Variants in LMF1 observed in about 807,000 individuals in gnomAD.
The protein encoded by LMF1 is lipase maturation factor 1.
In LMF1, 68 loss-of-function variants were observed where a neutral mutation model predicts 60.6. The ratio of observed to expected loss-of-function variants is 1.12; its 90% CI spans 0.92 to 1.37. The LOEUF (loss-of-function observed/expected upper bound fraction) is 1.37, where lower values mean the gene tolerates loss of function less well. Ranked by LOEUF, LMF1 falls within the 40% of genes most tolerant of loss-of-function variation. LMF1 has a pLI of 0.00. For missense variants in LMF1, 948 were observed against 767.2 expected (o/e 1.24, Z -2.78); for synonymous variants, 418 against 324.7 (o/e 1.29, Z -3.09).
At chr16:885,011 G>A (rs1022367341) in intron 5 of LMF1, 6 of 152,270 alleles carry the variant, frequency 3.9e-5, no homozygotes, top group African/African-American at 1.4e-4. Flanking sequence ...TACACAATGA[G>A]GCTGTTCTTC....
chr16:944,600 C>T (rs918899695), intron 2 of LMF1, among the ~76,000 whole-genome samples: 1 of 152,228 alleles, frequency 6.6e-6, no homozygotes, highest in Non-Finnish European at 1.5e-5. Flanking sequence ...TGGTATTTCA[C>T]TTGCTGACGG....
chr16:861,101 A>G (rs1368491275), intron 10 of LMF1, among the ~76,000 whole-genome samples: 2 of 151,954 alleles, frequency 1.3e-5, no homozygotes, highest in African/African-American at 4.8e-5. Context: ...CTTCCAACCC[A>G]CGAACGCGGC....
At chr16:877,434 C>T (rs551937736) in intron 6 of LMF1, among the ~76,000 whole-genome samples, 1 of 152,208 alleles carries the variant, frequency 6.6e-6, no homozygotes, top group Non-Finnish European at 1.5e-5. Flanking sequence ...GTGTGAGGGA[C>T]GGTCACCTCT....
At chr16:859,209 T>TCGGGACGGGTGTGAGTGATGTCA (rs2069337953) in intron 10 of LMF1, among the ~76,000 whole-genome samples, 8 of 43,292 alleles carry the variant, frequency 1.8e-4, no homozygotes, top group Admixed American at 5.1e-4. Context: ...GAGTGGTGTC[T>TCGGGACGGGTGTGAGTGATGTCA]CGGGACGGGT....
chr16:906,668 C>G (rs577933335), intron 4 of LMF1, among the ~76,000 whole-genome samples: 19 of 152,314 alleles, frequency 1.2e-4, no homozygotes, highest in Non-Finnish European at 2.6e-4. Flanking sequence ...CGAGGGAACC[C>G]TCCACACACC....
chr16:875,575 G>A (rs2069948871), intron 6 of LMF1, among the ~76,000 whole-genome samples: 2 of 152,116 alleles, frequency 1.3e-5, no homozygotes, highest in Non-Finnish European at 2.9e-5. Flanking sequence ...CGGGAGAGGG[G>A]CAGTGGTGGA....
At chr16:871,607 T>C (rs897965206) in intron 6 of LMF1, 16 of 470,654 alleles carry the variant, frequency 3.4e-5, no homozygotes, top group African/African-American at 2.8e-4. Context: ...TCCCTTGCTT[T>C]AGTGATCCGC....
At chr16:976,861 G>T (rs1021731607) in intron 1 of LMF1, 1 of 454,010 alleles carries the variant, frequency 2.2e-6, no homozygotes, top group African/African-American at 2.0e-5. Flanking sequence ...CGAACAGCCT[G>T]GGCAGGGGTC....
rs544526757 is a variant in LMF1, at chr16:854,932, C to T, written c.1530-226G>A. The T allele has an allele frequency of 5.9e-4, 351 of 590,672 alleles. 4 individuals carry two copies. The East Asian group carries it at 7.3e-3, about 12-fold the overall frequency. The allele number at this position is 590,672 out of a possible 1,614,324, so 36.6% of individuals were successfully genotyped here. A position where few individuals can be genotyped will look rare whatever the true frequency, so the allele number is the denominator to read the frequency against. ...TGAACAGCGCAGCAAGGGGGAAGGGCGGACGGGGGGCAGCTCCGGGAGGGG... is the reference window on the plus strand; with the variant it reads ...TGAACAGCGCAGCAAGGGGGAAGGGTGGACGGGGGGCAGCTCCGGGAGGGG... On this transcript the variant is annotated intron_variant, in intron 10 of 10. Coordinates refer to ENST00000262301, the MANE Select transcript of LMF1 (RefSeq NM_022773.4).
chr16:948,382 C>CCAACGTCAGAGT (rs1198360099), intron 2 of LMF1, among the ~76,000 whole-genome samples: 5 of 134,076 alleles, frequency 3.7e-5, no homozygotes, highest in Non-Finnish European at 7.8e-5. Flanking sequence ...AGAGTCAGAG[C>CCAACGTCAGAGT]CAACGTCAGA....
At chr16:871,679 G>T in intron 6 of LMF1, 1 of 263,682 alleles carries the variant, frequency 3.8e-6, no homozygotes, top group Non-Finnish European at 7.2e-6. Context: ...CACTTTCAGA[G>T]GGCACCTGCC....
intron 3 of LMF1, chr16:933,549 C>A: frequency 6.8e-5 from 12 of 176,228 alleles, no homozygotes; most frequent in South Asian, 2.7e-4. Context: ...AGCCTGAGTG[C>A]GAGGCCCAGG....
intron 1 of LMF1, chr16:977,004 T>TCAGGAGGAC (rs1350735394): frequency 6.6e-6 from 3 of 453,990 alleles, no homozygotes; most frequent in African/African-American, 4.0e-5. Context: ...GTCGGGGGCA[T>TCAGGAGGAC]CAGGAGGACC....
chr16:868,915 C>T (rs2069689922), intron 10 of LMF1, 29 bp downstream of exon 10: 1 of 1,430,194 alleles, frequency 7.0e-7, no homozygotes, highest in African/African-American at 1.4e-5. Flanking sequence ...GGGGGAGACC[C>T]CTGAGCAGCG....
intron 4 of LMF1, chr16:893,445 T>A (rs2070553567): frequency 2.2e-5 from 10 of 457,204 alleles, no homozygotes; most frequent in South Asian, 1.6e-4. Flanking sequence ...AGAGGGAAGC[T>A]TCTCAGTGCC....
chr16:864,741 C>A (rs1341959060), intron 10 of LMF1, among the ~76,000 whole-genome samples: 3 of 150,904 alleles, frequency 2.0e-5, no homozygotes, highest in Non-Finnish European at 2.9e-5. Flanking sequence ...ACTGTAGCCT[C>A]AGCTTCCCGA....
chr16:941,857 C>T (rs2072108443), intron 2 of LMF1, among the ~76,000 whole-genome samples: 1 of 151,802 alleles, frequency 6.6e-6, no homozygotes, highest in South Asian at 2.1e-4. Flanking sequence ...CAGGAAGGAT[C>T]CCCTCCCTCC....
chr16:887,241 GGTTGT>G (rs2070335739), intron 5 of LMF1: 1 of 152,376 alleles, frequency 6.6e-6, no homozygotes, highest in African/African-American at 2.4e-5. Flanking sequence ...GAGGATAGAA[GGTTGT>G]GTTGAGCTTC....
chr16:980,094 G>A (rs922822780), intron 1 of LMF1: 2 of 287,518 alleles, frequency 7.0e-6, no homozygotes, highest in South Asian at 6.7e-5. Flanking sequence ...CCCAACTCGC[G>A]CACTCCGTCT....
Sources: allele counts gnomAD v4.1 joint callset (sites outside exome capture counted in the v4.1 genomes callset), GRCh38; gene constraint gnomAD v4.1.1; transcripts MANE v1.5; gene names NCBI Gene and HGNC (gene_info 2026-07-23, HGNC 2026-07-21).